ARHGAP32: variants seen among roughly 807,000 people sequenced by gnomAD.
The protein encoded by ARHGAP32 is Rho GTPase activating protein 32, also known as rho GTPase-activating protein 32.
In ARHGAP32, 51 loss-of-function variants were observed where a neutral mutation model predicts 186.5. That is an observed-to-expected ratio of 0.27 (90% CI 0.22 to 0.35). ARHGAP32 has a LOEUF of 0.35. Ranked by LOEUF, ARHGAP32 falls within the 10% of genes least tolerant of loss-of-function variation. The pLI is 1.00. For synonymous variants in ARHGAP32, 950 were observed against 964.3 expected (o/e 0.99, Z 0.27); for missense variants, 2,186 against 2,623.5 (o/e 0.83, Z 3.64).
intron 5 of ARHGAP32, among the ~76,000 whole-genome samples, chr11:129,111,353 G>GT (rs1942207293): frequency 6.6e-6 from 1 of 152,148 alleles, no homozygotes; most frequent in Admixed American, 6.5e-5. Context: ...TTGCATCTAT[G>GT]TTTATCAGGG....
At chr11:129,268,101 C>T (rs1945428393) in intron 1 of ARHGAP32, among the ~76,000 whole-genome samples, 1 of 152,122 alleles carries the variant, frequency 6.6e-6, no homozygotes, top group Non-Finnish European at 1.5e-5. Context: ...CATAGCAGAT[C>T]TGCAATTTGT....
intron 11 of ARHGAP32, among the ~76,000 whole-genome samples, chr11:129,020,357 A>G (rs1938542296): frequency 6.6e-6 from 1 of 152,102 alleles, no homozygotes; most frequent in African/African-American, 2.4e-5. Context: ...GTCCTTACAT[A>G]ACTAATTTAC....
chr11:129,159,160 G>A (rs1943475778), intron 2 of ARHGAP32, among the ~76,000 whole-genome samples: 1 of 152,046 alleles, frequency 6.6e-6, no homozygotes, highest in Non-Finnish European at 1.5e-5. Flanking sequence ...AGAAGCAAGA[G>A]CAAACAAATT....
intron 11 of ARHGAP32, chr11:129,030,651 G>A (rs533425836): frequency 1.1e-4 from 17 of 152,076 alleles, no homozygotes; most frequent in Non-Finnish European, 1.8e-4. Flanking sequence ...AGAAATTTGT[G>A]ATGCAAATTC....
At chr11:129,068,557 G>A (rs1940769477) in intron 6 of ARHGAP32, among the ~76,000 whole-genome samples, 1 of 151,992 alleles carries the variant, frequency 6.6e-6, no homozygotes, top group Non-Finnish European at 1.5e-5. Flanking sequence ...CCAAATCCTT[G>A]CAATTCTTGG....
chr11:129,068,005 C>T (rs916568457), intron 6 of ARHGAP32, among the ~76,000 whole-genome samples: 4 of 152,028 alleles, frequency 2.6e-5, no homozygotes, highest in African/African-American at 7.2e-5. Context: ...TACACTTGAC[C>T]TTGGCTGAAA....
At chr11:129,195,556 A>G (rs1030449737), upstream of ARHGAP32, among the ~76,000 whole-genome samples, 3 of 150,754 alleles carry the variant, frequency 2.0e-5, no homozygotes, top group African/African-American at 7.3e-5. Flanking sequence ...ACACCCGCCT[A>G]ATTTTTTATT....
chr11:129,205,229 A>C lies in ARHGAP32; in HGVS notation c.-4-40802T>G, dbSNP rs372248374. Among the ~76,000 whole-genome samples the C allele has an allele frequency of 5.1e-4, 77 of 152,294 alleles. 1 individual carries two copies. The highest frequency in any genetic ancestry group is 1.7e-3 in the Admixed American group (26 of 15,290). ...CTTTTTATGTTATATTTTCAAAATGAACAATGAATACAAAGTACATTTTCT... is the reference window on the plus strand; with the variant it reads ...CTTTTTATGTTATATTTTCAAAATGCACAATGAATACAAAGTACATTTTCT... On this transcript the variant is annotated intron_variant, in intron 1 of 6. Transcript: ENST00000525234.
chr11:129,235,318 C>T (rs1944914320), intron 1 of ARHGAP32, among the ~76,000 whole-genome samples: 1 of 152,108 alleles, frequency 6.6e-6, no homozygotes, highest in Non-Finnish European at 1.5e-5. Context: ...TTTCACCCCA[C>T]GTTGACTTTA....
At chr11:129,264,657 A>C (rs1269002638) in intron 1 of ARHGAP32, among the ~76,000 whole-genome samples, 1 of 152,206 alleles carries the variant, frequency 6.6e-6, no homozygotes, top group Admixed American at 6.5e-5. Flanking sequence ...ACCATAGGAG[A>C]CAGAGAACTT....
At chr11:129,196,132 A>G (rs1429983447), upstream of ARHGAP32, among the ~76,000 whole-genome samples, 2 of 152,182 alleles carry the variant, frequency 1.3e-5, no homozygotes, top group East Asian at 3.8e-4. Flanking sequence ...GCATTCTTAC[A>G]GCAACAATTT....
intron 2 of ARHGAP32, among the ~76,000 whole-genome samples, chr11:129,145,712 C>A (rs370789957): frequency 6.6e-6 from 1 of 152,214 alleles, no homozygotes; most frequent in East Asian, 1.9e-4. Context: ...ATAGGCCTTA[C>A]GTTATGAAAC....
At chr11:129,209,361 T>C (rs1251214666) in intron 1 of ARHGAP32, among the ~76,000 whole-genome samples, 1 of 151,236 alleles carries the variant, frequency 6.6e-6, no homozygotes, top group African/African-American at 2.4e-5. Flanking sequence ...GAGTCTCTGG[T>C]CAGCTAAGGG....
chr11:129,197,718 T>A lies in ARHGAP32; in HGVS notation c.-4-33291A>T, dbSNP rs1328750828. On this transcript the variant is annotated intron_variant, in intron 1 of 6. Transcript: ENST00000525234. ...CCAAATGTATGGAGCACAATATATA[T>A]AATGTAAAAATGTCATTCATCATTA... 2.0e-5 allele frequency among the ~76,000 whole-genome samples: 3 copies of A among 152,208 alleles called. No homozygotes were observed. In the East Asian group the frequency reaches 5.8e-4, roughly 29 times the overall value.
At chr11:129,132,816 T>C (rs758207235) in intron 2 of ARHGAP32, among the ~76,000 whole-genome samples, 7 of 152,132 alleles carry the variant, frequency 4.6e-5, no homozygotes, top group Non-Finnish European at 1.0e-4. Flanking sequence ...ACAGGTATTA[T>C]AAACACACTG....
intron 10 of ARHGAP32, among the ~76,000 whole-genome samples, chr11:129,043,263 T>C (rs912278018): frequency 2.6e-5 from 4 of 152,190 alleles, no homozygotes; most frequent in African/African-American, 9.6e-5. Context: ...AAGTTCTACC[T>C]TGGCCCCAAT....
chr11:129,274,580 C>G (rs2135732651), intron 1 of ARHGAP32, among the ~76,000 whole-genome samples: 1 of 152,254 alleles, frequency 6.6e-6, no homozygotes, highest in East Asian at 1.9e-4. Flanking sequence ...TTGTTTAACT[C>G]AGAACAATGG....
At chr11:129,266,256 G>C (rs2135718393) in intron 1 of ARHGAP32, among the ~76,000 whole-genome samples, 1 of 152,150 alleles carries the variant, frequency 6.6e-6, no homozygotes, top group South Asian at 2.1e-4. Flanking sequence ...ACTTAACCTG[G>C]ATCTATTTCC....
intron 5 of ARHGAP32, among the ~76,000 whole-genome samples, chr11:129,098,610 G>A (rs376431397): frequency 4.6e-5 from 7 of 151,846 alleles, no homozygotes; most frequent in African/African-American, 1.7e-4. Flanking sequence ...TAGTAGAGAC[G>A]GGGTTTCACT....
Sources: gnomAD v4.1 joint callset for allele counts (sites outside exome capture counted in the v4.1 genomes callset) on GRCh38, gnomAD v4.1.1 for gene constraint, MANE v1.5 for transcripts, NCBI Gene and HGNC (gene_info 2026-07-23, HGNC 2026-07-21) for gene names.